BMP6: variants seen among roughly 807,000 people sequenced by gnomAD.
BMP6 encodes bone morphogenetic protein 6.
In BMP6, 17 loss-of-function variants were observed where a neutral mutation model predicts 54.1. The ratio of observed to expected loss-of-function variants is 0.31; its 90% CI spans 0.22 to 0.47. The LOEUF is 0.47. Ranked by LOEUF, BMP6 falls within the 20% of genes least tolerant of loss-of-function variation. The pLI is 1.00. For synonymous variants in BMP6, 328 were observed against 291.2 expected, an observed-to-expected ratio of 1.13 and a Z score of -1.28; for missense variants, 720 against 690.4, an observed-to-expected ratio of 1.04 and a Z score of -0.48.
At chr6:7,728,599 A>G (rs1446615139) in intron 1 of BMP6, among the ~76,000 whole-genome samples, 1 of 152,126 alleles carries the variant, frequency 6.6e-6, no homozygotes, top group Admixed American at 6.5e-5. Context: ...TCCGGTTTGC[A>G]CTGCTTTTCA....
chr6:7,856,614 T>TTTTTTTTTTTTTTTTTTTTG (rs1491363620), intron 2 of BMP6, among the ~76,000 whole-genome samples: 4 of 95,158 alleles, frequency 4.2e-5, no homozygotes, highest in African/African-American at 1.6e-4. Flanking sequence ...TTTTTTTTTT[T>TTTTTTTTTTTTTTTTTTTTG]GAGACGGAGT....
At chr6:7,793,988 A>G (rs1195256040) in intron 1 of BMP6, among the ~76,000 whole-genome samples, 3 of 152,130 alleles carry the variant, frequency 2.0e-5, no homozygotes, top group Non-Finnish European at 4.4e-5. Flanking sequence ...CCAGCTGCCT[A>G]TTCCCCAGCA....
chr6:7,735,841 G>T (rs1446168753), intron 1 of BMP6, among the ~76,000 whole-genome samples: 4 of 152,158 alleles, frequency 2.6e-5, no homozygotes, highest in African/African-American at 9.7e-5. Flanking sequence ...GTTATCCACC[G>T]CTATAGTATC....
intron 1 of BMP6, among the ~76,000 whole-genome samples, chr6:7,822,125 A>G (rs1758620143): frequency 6.6e-6 from 1 of 152,006 alleles, no homozygotes; most frequent in African/African-American, 2.4e-5. Context: ...GGTTCAAGCA[A>G]TTCTCCTGCC....
chr6:7,752,797 T>C (rs567535339), intron 1 of BMP6, among the ~76,000 whole-genome samples: 22 of 152,256 alleles, frequency 1.4e-4, no homozygotes, highest in African/African-American at 5.3e-4. Context: ...GATCCGTGGA[T>C]TATAATTTAG....
At chr6:7,872,293 T>TAA (rs3837027) in intron 4 of BMP6, among the ~76,000 whole-genome samples, 2,723 of 139,822 alleles carry the variant, frequency 0.019, 39 homozygotes, top group Middle Eastern at 0.03. Context: ...TCAATCTGTT[T>TAA]AAAAAAAAAA....
chr6:7,741,790 CGAA>C (rs1380382546), intron 1 of BMP6, among the ~76,000 whole-genome samples: 4 of 152,218 alleles, frequency 2.6e-5, no homozygotes, highest in African/African-American at 9.6e-5. Context: ...GAGGCTTCAA[CGAA>C]GGAGTTGGAG....
In BMP6 at chr6:7,773,531, G is replaced by C. The variant is rs114861741; in HGVS notation, c.664+45912G>C. 6.4e-3 allele frequency among the ~76,000 whole-genome samples: 974 copies of C among 152,290 alleles called. 18 individuals carry two copies. Among genetic ancestry groups the C allele is most frequent in the African/African-American group, 0.022 (933 of 41,550 alleles). Reference sequence around the variant, plus strand: ...AGTCTCTATGTCATGCATAAACATAGGCTCAGAAAGGATATGCAAATGACT... The same window carrying C: ...AGTCTCTATGTCATGCATAAACATACGCTCAGAAAGGATATGCAAATGACT... On this transcript the variant is annotated intron_variant, in intron 1 of 6. Transcript: ENST00000283147.
At chr6:7,758,896 G>C (rs1757566001) in intron 1 of BMP6, among the ~76,000 whole-genome samples, 1 of 152,166 alleles carries the variant, frequency 6.6e-6, no homozygotes, top group Admixed American at 6.5e-5. Flanking sequence ...AGGGGAGTCG[G>C]TGCAGCCATG....
chr6:7,772,032 C>T (rs1399071124), intron 1 of BMP6, among the ~76,000 whole-genome samples: 9 of 147,686 alleles, frequency 6.1e-5, no homozygotes, highest in Admixed American at 3.5e-4. Context: ...CCAGCCTGGG[C>T]GACAGAGCAA....
At chr6:7,746,983 G>T (rs1254700730) in intron 1 of BMP6, among the ~76,000 whole-genome samples, 6 of 152,168 alleles carry the variant, frequency 3.9e-5, no homozygotes, top group Non-Finnish European at 7.3e-5. Flanking sequence ...TGGGGGTGGG[G>T]ATTGGTCAGT....
At chr6:7,823,147 G>A (rs1302315356) in intron 1 of BMP6, among the ~76,000 whole-genome samples, 1 of 152,014 alleles carries the variant, frequency 6.6e-6, no homozygotes, top group African/African-American at 2.4e-5. Flanking sequence ...TTACCACCAC[G>A]ACACGTCCCA....
At chr6:7,756,632 A>G (rs1757519044) in intron 1 of BMP6, among the ~76,000 whole-genome samples, 1 of 151,900 alleles carries the variant, frequency 6.6e-6, no homozygotes, top group African/African-American at 2.4e-5. Context: ...TGTGTGCTGG[A>G]TTTTGTTATA....
At chr6:7,733,882 A>C (rs1300087395) in intron 1 of BMP6, among the ~76,000 whole-genome samples, 1 of 152,104 alleles carries the variant, frequency 6.6e-6, no homozygotes, top group Non-Finnish European at 1.5e-5. Flanking sequence ...TTCGGTGAAA[A>C]TTAGAGTTAA....
chr6:7,800,683 C>T (rs1025840884), intron 1 of BMP6, among the ~76,000 whole-genome samples: 1 of 152,134 alleles, frequency 6.6e-6, no homozygotes. Flanking sequence ...TTCTAGTTAT[C>T]CTGGGGTTCC....
intron 1 of BMP6, among the ~76,000 whole-genome samples, chr6:7,783,782 G>A (rs543442444): frequency 1.3e-5 from 2 of 152,364 alleles, no homozygotes; most frequent in African/African-American, 4.8e-5. Flanking sequence ...CAAATAGTCA[G>A]CAGAGGGAGT....
rs924404630 is a variant in BMP6, at chr6:7,788,468, G to A, written c.665-56672G>A. On this transcript the variant is annotated intron_variant, in intron 1 of 6. Transcript: ENST00000283147. ...CTTCAAATCCTGTCTTCTATGTCTA[G>A]GCTCAACAACGGGGGACCCCTCTGT... is the stretch of plus-strand genomic sequence containing the variant. Among the ~76,000 whole-genome samples the A allele has an allele frequency of 2.6e-5, 4 of 152,176 alleles. No homozygotes were observed. The South Asian group carries it at 8.3e-4, about 31-fold the overall frequency.
In BMP6 at chr6:7,812,759, G is replaced by A. The variant is rs140880743; in HGVS notation, c.665-32381G>A. Among the ~76,000 whole-genome samples the A allele has an allele frequency of 2.5e-3, 376 of 152,058 alleles. 2 individuals carry two copies. The highest frequency in any genetic ancestry group is 6.9e-3 in the African/African-American group (285 of 41,466). ...AAAAGAAACTGAGAAAGAACTATAA[G>A]TGCCTGTGGTGTATTTTCAACAGCT... On this transcript the variant is annotated intron_variant, in intron 1 of 6. Coordinates refer to ENST00000283147, the MANE Select transcript of BMP6 (RefSeq NM_001718.6).
intron 1 of BMP6, among the ~76,000 whole-genome samples, chr6:7,828,906 C>G (rs1758744757): frequency 6.6e-6 from 1 of 152,194 alleles, no homozygotes; most frequent in Non-Finnish European, 1.5e-5. Context: ...TCACGCGGAC[C>G]AGAGGTTGGA....
Sources: allele counts gnomAD v4.1 joint callset (sites outside exome capture counted in the v4.1 genomes callset), GRCh38; gene constraint gnomAD v4.1.1; transcripts MANE v1.5; gene names NCBI Gene and HGNC (gene_info 2026-07-23, HGNC 2026-07-21).